Variants in MAPK4 observed in about 807,000 individuals in gnomAD.
The protein encoded by MAPK4 is mitogen-activated protein kinase 4, also known as Erk3-related.
MAPK4 carries 22 observed loss-of-function variants against 47.7 expected under a neutral mutation model. That is an observed-to-expected ratio of 0.46 (90% CI 0.33 to 0.66). The LOEUF is 0.66. Among genes scored for constraint, MAPK4 ranks in the 30% least tolerant of loss-of-function variants. The pLI, the probability that MAPK4 is intolerant of heterozygous loss-of-function variation, is 0.02. For missense variants in MAPK4, 736 were observed against 831.7 expected (o/e 0.88, Z 1.42); for synonymous variants, 390 against 365.7 (o/e 1.07, Z -0.76).
At chr18:50,711,160 C>G (rs567096794) in intron 2 of MAPK4, among the ~76,000 whole-genome samples, 1 of 152,244 alleles carries the variant, frequency 6.6e-6, no homozygotes, top group Admixed American at 6.5e-5. Context: ...TATACCTTCT[C>G]TCTATCCTTC....
chr18:50,689,666 G>A (rs1568082196), intron 2 of MAPK4, among the ~76,000 whole-genome samples: 1 of 152,136 alleles, frequency 6.6e-6, no homozygotes, highest in Admixed American at 6.5e-5. Context: ...TGAGAGAATC[G>A]CTTGAGCCCA....
intron 1 of MAPK4, among the ~76,000 whole-genome samples, chr18:50,606,094 A>G (rs2042581293): frequency 6.6e-6 from 1 of 152,118 alleles, no homozygotes; most frequent in Non-Finnish European, 1.5e-5. Context: ...AACAGGTATC[A>G]TGATAAAACA....
At chr18:50,676,721 T>C (rs1388700090) in intron 2 of MAPK4, among the ~76,000 whole-genome samples, 4 of 152,340 alleles carry the variant, frequency 2.6e-5, no homozygotes, top group African/African-American at 9.6e-5. Flanking sequence ...TTAGGTAAAC[T>C]ATCATTCATC....
At chr18:50,623,255 C>T (rs1476237719) in intron 1 of MAPK4, among the ~76,000 whole-genome samples, 2 of 152,174 alleles carry the variant, frequency 1.3e-5, no homozygotes, top group Non-Finnish European at 2.9e-5. Context: ...GAACTAGAAC[C>T]TGGTCCCAGT....
At chr18:50,646,302 C>T (rs1227733467) in intron 1 of MAPK4, among the ~76,000 whole-genome samples, 2 of 152,346 alleles carry the variant, frequency 1.3e-5, no homozygotes, top group African/African-American at 4.8e-5. Context: ...TTTGCCTTCT[C>T]CCATCGTTTT....
rs115620072 is a variant in MAPK4, at chr18:50,704,790, C to T, written c.547-10289C>T. ...TGCCTCTGCATCCTCTTCTGTGGAG[C>T]AGGGACAATGACAGCAGCCATCCTG... On this transcript the variant is annotated intron_variant, in intron 2 of 5. Coordinates refer to ENST00000400384, the MANE Select transcript of MAPK4 (RefSeq NM_002747.4). 1,100 of 398,622 alleles carry T rather than the reference C, an allele frequency of 2.8e-3. 11 individuals carry two copies. The highest frequency in any genetic ancestry group is 0.019 in the African/African-American group (931 of 48,714). 24.7% of individuals were successfully genotyped at this position (398,622 alleles called of 1,614,324 possible). A position where few individuals can be genotyped will look rare whatever the true frequency, so the allele number is the denominator to read the frequency against.
At chr18:50,665,802 C>G (rs1247649618) in intron 2 of MAPK4, among the ~76,000 whole-genome samples, 2 of 152,204 alleles carry the variant, frequency 1.3e-5, no homozygotes, top group Admixed American at 6.5e-5. Flanking sequence ...CCCTCTGCCC[C>G]ACTCCTGCAG....
At chr18:50,601,248 C>T (rs996697588) in intron 1 of MAPK4, among the ~76,000 whole-genome samples, 2 of 145,802 alleles carry the variant, frequency 1.4e-5, no homozygotes, top group African/African-American at 2.5e-5. Flanking sequence ...GTGGGAAGAT[C>T]GCTGGAGCCT....
chr18:50,681,972 A>G (rs748465133), intron 2 of MAPK4, among the ~76,000 whole-genome samples: 7 of 152,214 alleles, frequency 4.6e-5, no homozygotes, highest in Non-Finnish European at 1.0e-4. Context: ...CCAGTCACAC[A>G]AAGGCCACAT....
intron 2 of MAPK4, among the ~76,000 whole-genome samples, chr18:50,681,481 T>G (rs1378298786): frequency 6.6e-6 from 1 of 152,224 alleles, no homozygotes; most frequent in Non-Finnish European, 1.5e-5. Flanking sequence ...GCATCATATC[T>G]AAGAAACCAC....
intron 1 of MAPK4, among the ~76,000 whole-genome samples, chr18:50,596,959 C>A (rs1347161731): frequency 6.6e-6 from 1 of 152,172 alleles, no homozygotes; most frequent in East Asian, 1.9e-4. Context: ...TATTTTTTAA[C>A]CTGTAGGTAG....
At chr18:50,698,359 T>A (rs550624667) in intron 2 of MAPK4, among the ~76,000 whole-genome samples, 1 of 152,316 alleles carries the variant, frequency 6.6e-6, no homozygotes, top group East Asian at 1.9e-4. Context: ...AAATACATAT[T>A]TATCAAACAT....
At chr18:50,693,046 A>G (rs1033125189) in intron 2 of MAPK4, among the ~76,000 whole-genome samples, 2 of 152,164 alleles carry the variant, frequency 1.3e-5, no homozygotes, top group African/African-American at 4.8e-5. Context: ...ACTTGAGGCC[A>G]TGAGTTCGAA....
intron 1 of MAPK4, among the ~76,000 whole-genome samples, chr18:50,628,586 A>G (rs1386358213): frequency 2.0e-5 from 3 of 152,182 alleles, no homozygotes; most frequent in Non-Finnish European, 4.4e-5. Context: ...ACTATCACCA[A>G]ATATTTTTAT....
chr18:50,638,218 A>C (rs930170779), intron 1 of MAPK4, among the ~76,000 whole-genome samples: 3 of 152,198 alleles, frequency 2.0e-5, no homozygotes, highest in Non-Finnish European at 4.4e-5. Flanking sequence ...AGAGTGGAAA[A>C]AATCTCTGCC....
chr18:50,648,518 G>A (rs1266091476), intron 1 of MAPK4, among the ~76,000 whole-genome samples: 2 of 152,206 alleles, frequency 1.3e-5, no homozygotes, highest in African/African-American at 4.8e-5. Context: ...ACTGATTGCA[G>A]GGGATGCAGG....
At chr18:50,674,987 C>T (rs772017499) in intron 2 of MAPK4, among the ~76,000 whole-genome samples, 4 of 152,204 alleles carry the variant, frequency 2.6e-5, no homozygotes, top group Non-Finnish European at 4.4e-5. Context: ...CCCTCTAAAT[C>T]TCGGTAGGCT....
At position 50,577,947 on chromosome 18, in the gene MAPK4, A is replaced by G. The variant is rs189344839; in HGVS notation, c.-871+17704A>G. On this transcript the variant is annotated intron_variant, in intron 1 of 5. Transcript: ENST00000400384. ...CATTGTTATTTGGAGAAAAATAACC[A>G]GAAACTGGTTTCTGTAACATTAAGG... Among the ~76,000 whole-genome samples, 491 of 152,354 alleles carry G rather than the reference A, an allele frequency of 3.2e-3. 14 individuals are homozygous for G. The highest frequency in any genetic ancestry group is 0.03 in the Admixed American group (464 of 15,306).
chr18:50,724,637 A>C lies in MAPK4; in HGVS notation c.854-1325A>C, dbSNP rs541037459. ...GGGGTGATCAGAGTTACTGCTGCTT[A>C]ACTAATTTGGGGGTCTAGGGTTACA... On this transcript the variant is annotated intron_variant, in intron 4 of 5. Transcript: ENST00000400384. Among the ~76,000 whole-genome samples, 18 of 152,362 alleles carry C rather than the reference A, an allele frequency of 1.2e-4. No individual in the cohort carries two copies. In the South Asian group the frequency reaches 3.5e-3, roughly 30 times the overall value.
Sources: gnomAD v4.1 joint callset for allele counts (sites outside exome capture counted in the v4.1 genomes callset) on GRCh38, gnomAD v4.1.1 for gene constraint, MANE v1.5 for transcripts, NCBI Gene and HGNC (gene_info 2026-07-23, HGNC 2026-07-21) for gene names.